The following RNF130 variants were observed in gnomAD, a reference collection of about 807,000 sequenced individuals.
RNF130 encodes the protein ring finger protein 130, also known as E3 ubiquitin-protein ligase RNF130.
In RNF130, 21 loss-of-function variants were observed where a neutral mutation model predicts 44.6. That is an observed-to-expected ratio of 0.47 (90% CI 0.33 to 0.68). The LOEUF (loss-of-function observed/expected upper bound fraction) is 0.68. RNF130 is among the 30% of genes least tolerant of loss of function. RNF130 has a pLI of 0.02. For synonymous variants in RNF130, 214 were observed against 210.4 expected (o/e 1.02, Z -0.15); for missense variants, 479 against 560.6 (o/e 0.85, Z 1.47).
chr5:179,931,922 C>T (rs1761813732), intron 7 of RNF130, among the ~76,000 whole-genome samples: 1 of 152,200 alleles, frequency 6.6e-6, no homozygotes, highest in Non-Finnish European at 1.5e-5. Context: ...CCCAGATCTG[C>T]TATCCCCCAA....
At chr5:180,065,696 G>A (rs979593706) in intron 1 of RNF130, among the ~76,000 whole-genome samples, 1 of 151,376 alleles carries the variant, frequency 6.6e-6, no homozygotes, top group South Asian at 2.1e-4. Context: ...GGAGACAGAG[G>A]TTGCAGTGTG....
chr5:179,988,091 G>C (rs950608938), intron 3 of RNF130, among the ~76,000 whole-genome samples: 3 of 152,156 alleles, frequency 2.0e-5, no homozygotes, highest in African/African-American at 7.2e-5. Context: ...AAGCCATCTG[G>C]TCCTGAGTTT....
At chr5:179,946,461 G>T (rs925440760) in intron 7 of RNF130, among the ~76,000 whole-genome samples, 2 of 152,038 alleles carry the variant, frequency 1.3e-5, no homozygotes, top group African/African-American at 4.8e-5. Flanking sequence ...TTAAGGTAAA[G>T]AAACAAGAGT....
chr5:180,058,125 C>T (rs1407580698), intron 1 of RNF130, among the ~76,000 whole-genome samples: 3 of 152,080 alleles, frequency 2.0e-5, no homozygotes, highest in South Asian at 2.1e-4. Flanking sequence ...GGTGTCAAAG[C>T]GAGGACAGAA....
intron 7 of RNF130, among the ~76,000 whole-genome samples, chr5:179,921,051 T>A (rs868021203): frequency 3.3e-5 from 5 of 152,174 alleles, no homozygotes; most frequent in Admixed American, 6.5e-5. Context: ...TATTTGACTA[T>A]CTGTGCTACT....
chr5:179,949,981 G>T (rs578092885), intron 7 of RNF130, among the ~76,000 whole-genome samples: 8 of 152,260 alleles, frequency 5.3e-5, no homozygotes, highest in African/African-American at 1.9e-4. Context: ...GTGGAACACT[G>T]ACCCCATTTG....
intron 5 of RNF130, among the ~76,000 whole-genome samples, chr5:179,972,384 G>C (rs1011568781): frequency 2.0e-5 from 3 of 152,206 alleles, no homozygotes; most frequent in African/African-American, 4.8e-5. Context: ...CGCTAGGGTG[G>C]GGTGGCCGGG....
At chr5:180,016,742 T>C (rs963625950) in intron 2 of RNF130, among the ~76,000 whole-genome samples, 11 of 152,242 alleles carry the variant, frequency 7.2e-5, no homozygotes, top group African/African-American at 2.2e-4. Context: ...TTCAAACCCA[T>C]AGAGCAGTTC....
rs548012606 is a variant in RNF130, at chr5:180,058,191, G to T, written c.247+13265C>A. Among the ~76,000 whole-genome samples, 12 of 152,264 alleles carry T rather than the reference G, an allele frequency of 7.9e-5. No individual in the cohort carries two copies. In the East Asian group the frequency reaches 1.4e-3, roughly 17 times the overall value. ...CCGTGACTGGAAGGGACCTGAGGTG[G>T]TCTGCAAAGCTGGCCACACTCAACT... On this transcript the variant is annotated intron_variant, in intron 1 of 8. Transcript: ENST00000521389.
At chr5:179,959,786 C>T (rs1023425808) in intron 8 of RNF130, among the ~76,000 whole-genome samples, 5 of 152,226 alleles carry the variant, frequency 3.3e-5, no homozygotes, top group Admixed American at 3.3e-4. Flanking sequence ...GGACCTGCTA[C>T]AAGAAGCCAG....
At chr5:179,932,427 T>C (rs1199895950) in intron 7 of RNF130, among the ~76,000 whole-genome samples, 1 of 151,906 alleles carries the variant, frequency 6.6e-6, no homozygotes, top group Non-Finnish European at 1.5e-5. Flanking sequence ...CCGGCTGATT[T>C]TTCTGTATTT....
At chr5:180,044,448 C>T (rs941167811) in intron 1 of RNF130, among the ~76,000 whole-genome samples, 13 of 152,148 alleles carry the variant, frequency 8.5e-5, no homozygotes, top group African/African-American at 3.1e-4. Context: ...CTGGGCTCCT[C>T]ACCTCAATGA....
rs1331387402 is a variant in RNF130, at chr5:179,987,659, T to C, written c.694-7459A>G. ...CTTTCACTATATTGAAGTATGTTACTTCTATACCTAATTTGCAAAGAGTGT... is the reference window on the plus strand; with the variant it reads ...CTTTCACTATATTGAAGTATGTTACCTCTATACCTAATTTGCAAAGAGTGT... On this transcript the variant is annotated intron_variant, in intron 3 of 8. Transcript: ENST00000521389. Among the ~76,000 whole-genome samples, 5 of 152,244 alleles carry C rather than the reference T, an allele frequency of 3.3e-5. No individual in the cohort carries two copies. In the East Asian group the frequency reaches 7.7e-4, roughly 23 times the overall value.
intron 2 of RNF130, among the ~76,000 whole-genome samples, chr5:180,021,881 C>T (rs914775838): frequency 1.3e-5 from 2 of 152,216 alleles, no homozygotes; most frequent in African/African-American, 2.4e-5. Flanking sequence ...ACGTCCTTTA[C>T]AGCAGCCCAG....
At chr5:179,948,523 T>G (rs1311583325) in intron 7 of RNF130, among the ~76,000 whole-genome samples, 1 of 151,914 alleles carries the variant, frequency 6.6e-6, no homozygotes, top group African/African-American at 2.4e-5. Flanking sequence ...ATACAAAAAT[T>G]AGCCAGGCAT....
intron 7 of RNF130, chr5:179,920,460 G>C: frequency 1.4e-6 from 1 of 698,638 alleles, no homozygotes; most frequent in Non-Finnish European, 2.6e-6. Flanking sequence ...GACTTAATAG[G>C]TCACCAGGCT....
intron 1 of RNF130, among the ~76,000 whole-genome samples, chr5:180,064,497 T>C (rs1273286016): frequency 6.6e-6 from 1 of 152,236 alleles, no homozygotes; most frequent in African/African-American, 2.4e-5. Context: ...CAAACAGGTC[T>C]CTAGCCATCA....
At chr5:180,008,288 A>G (rs1400502139) in intron 3 of RNF130, among the ~76,000 whole-genome samples, 1 of 152,200 alleles carries the variant, frequency 6.6e-6, no homozygotes, top group Non-Finnish European at 1.5e-5. Context: ...ATTCTACTCC[A>G]GCCAGGCGCC....
exon 8 of RNF130, chr5:179,917,822 G>T (rs1044353743): frequency 6.6e-6 from 1 of 152,140 alleles, no homozygotes; most frequent in Non-Finnish European, 1.5e-5. Context: ...TGGGCAACAT[G>T]GCAAAGTCCC....
Sources: allele counts gnomAD v4.1 joint callset (sites outside exome capture counted in the v4.1 genomes callset), GRCh38; gene constraint gnomAD v4.1.1; transcripts MANE v1.5; gene names NCBI Gene and HGNC (gene_info 2026-07-23, HGNC 2026-07-21).